The following AP3B1 variants were observed in gnomAD, a reference collection of about 807,000 sequenced individuals.
AP3B1 encodes AP-3 complex subunit beta-1.
Under a neutral mutation model 132.5 loss-of-function variants are expected in AP3B1, and 61 were observed. That is an observed-to-expected ratio of 0.46 (90% CI 0.37 to 0.57). The LOEUF is 0.57. AP3B1 is among the 20% of genes least tolerant of loss of function. AP3B1 has a pLI of 0.00. For synonymous variants in AP3B1, 388 were observed against 438.3 expected, an observed-to-expected ratio of 0.89 and a Z score of 1.43; for missense variants, 1,120 against 1,289.4, an observed-to-expected ratio of 0.87 and a Z score of 2.01.
At chr5:78,227,325 C>T (rs764293102) in intron 5 of AP3B1, 47 bp downstream of exon 5, 1 of 1,580,426 alleles carries the variant, frequency 6.3e-7, no homozygotes, top group Non-Finnish European at 8.7e-7. Flanking sequence ...CTATAACATT[C>T]CATGTAACAT....
chr5:78,039,076 T>C lies in AP3B1; in HGVS notation c.2776A>G (p.Ile926Val), dbSNP rs558325834. The C allele has an allele frequency of 1.6e-5, 26 of 1,607,642 alleles. No individual in the cohort carries two copies. Among genetic ancestry groups the C allele is most frequent in the South Asian group, 1.5e-4 (14 of 90,618 alleles). The change falls in exon 23 of 27, where the codon ATA becomes GTA. Residue 926 changes from isoleucine to valine, a missense_variant. Physicochemically the swap from Ile to Val is conservative, Grantham distance 29. Transcript: ENST00000255194. The part of the protein sequence containing the change: ...NIHIGEKKLP[I>V]GMKMHVFNPI... Reference sequence around the variant, plus strand: ...TTAAAAACATGCATTTTCATGCCTATAGGAAGTTTTTTTTCCCCTATGTGG... The same window carrying C: ...TTAAAAACATGCATTTTCATGCCTACAGGAAGTTTTTTTTCCCCTATGTGG...
intron 22 of AP3B1, among the ~76,000 whole-genome samples, chr5:78,063,553 G>C (rs1250763052): frequency 6.6e-6 from 1 of 152,160 alleles, no homozygotes; most frequent in African/African-American, 2.4e-5. Flanking sequence ...AAGCCTAAGT[G>C]CCTACATCTT....
rs1217158874 is a variant in AP3B1 at position 78,089,445 on chromosome 5, A to G, written c.2525T>C (p.Leu842Ser). Reference protein sequence around the residue: ...ALPTPALSPSLMADLEGLHLS... With the variant: ...ALPTPALSPSSMADLEGLHLS... ...GTGTAAACCTTCAAGATCAGCCATCAAACTTGGAGAAAGAGCTGGTGTGGG... is the reference window on the plus strand; with the variant it reads ...GTGTAAACCTTCAAGATCAGCCATCGAACTTGGAGAAAGAGCTGGTGTGGG... The change falls in exon 22 of 27, where the codon TTG becomes TCG. Residue 842 changes from leucine to serine, a missense_variant. Leu to Ser is a moderately radical substitution (Grantham distance 145, BLOSUM62 -2). Transcript: ENST00000255194. The G allele has an allele frequency of 1.9e-6, 3 of 1,613,440 alleles. No homozygotes were observed. In the Admixed American group the frequency reaches 5.0e-5, roughly 27 times the overall value.
At chr5:78,027,616 G>C (rs964391000) in intron 24 of AP3B1, among the ~76,000 whole-genome samples, 6 of 151,990 alleles carry the variant, frequency 3.9e-5, no homozygotes, top group African/African-American at 9.7e-5. Context: ...TGAATTTGAA[G>C]ATTAATTTGA....
chr5:78,131,995 G>A (rs1218861216), intron 15 of AP3B1, among the ~76,000 whole-genome samples: 3 of 152,092 alleles, frequency 2.0e-5, no homozygotes, highest in East Asian at 1.9e-4. Flanking sequence ...TTACAAAGCA[G>A]TTCTTCACAA....
At chr5:78,077,006 T>G (rs1449492448) in intron 22 of AP3B1, among the ~76,000 whole-genome samples, 1 of 152,184 alleles carries the variant, frequency 6.6e-6, no homozygotes, top group African/African-American at 2.4e-5. Context: ...AGAGTGGTTT[T>G]GGGAAATCCG....
Position 78,036,645 on chromosome 5 carries a change from T to C in AP3B1, c.2810-2200A>G, listed in dbSNP as rs192523569. Among the ~76,000 whole-genome samples, 38 of 152,232 alleles carry C rather than the reference T, an allele frequency of 2.5e-4. No homozygotes were observed. In the East Asian group the frequency reaches 4.2e-3, roughly 17 times the overall value. On this transcript the variant is annotated intron_variant, in intron 23 of 26. Transcript: ENST00000255194. Reference sequence around the variant, plus strand: ...GGGGAAAATGGAATATTATTCCTAATATTCTTGTAAGGAATACAGTTTCAT... The same window carrying C: ...GGGGAAAATGGAATATTATTCCTAACATTCTTGTAAGGAATACAGTTTCAT...
intron 9 of AP3B1, among the ~76,000 whole-genome samples, chr5:78,176,288 C>T (rs1394126970): frequency 6.6e-6 from 1 of 151,436 alleles, no homozygotes; most frequent in East Asian, 1.9e-4. Context: ...TGGTATAAGG[C>T]TTCATGTGAA....
At chr5:78,003,487 CCT>C (rs1486564302) in intron 26 of AP3B1, 2 of 796,066 alleles carry the variant, frequency 2.5e-6, no homozygotes, top group Non-Finnish European at 3.0e-6. Context: ...AAATTTAACT[CCT>C]CATATCTGAA....
At chr5:78,239,775 T>A (rs1747042566) in intron 3 of AP3B1, among the ~76,000 whole-genome samples, 1 of 115,166 alleles carries the variant, frequency 8.7e-6, no homozygotes, top group African/African-American at 3.7e-5. Flanking sequence ...TGAGACTCTG[T>A]CTCAAAAAAA....
chr5:78,250,824 G>T (rs1031063170), intron 2 of AP3B1, among the ~76,000 whole-genome samples: 2 of 151,934 alleles, frequency 1.3e-5, no homozygotes, highest in Admixed American at 1.3e-4. Context: ...TTCAGATAAA[G>T]ATATAATTAC....
chr5:78,078,639 C>T (rs1370153608), intron 22 of AP3B1, among the ~76,000 whole-genome samples: 1 of 152,210 alleles, frequency 6.6e-6, no homozygotes, highest in Non-Finnish European at 1.5e-5. Context: ...ACAAATATCG[C>T]TATCCAAGTC....
At chr5:78,213,797 AAAC>A (rs1205904405) in intron 7 of AP3B1, among the ~76,000 whole-genome samples, 1 of 152,270 alleles carries the variant, frequency 6.6e-6, no homozygotes, top group Non-Finnish European at 1.5e-5. Context: ...TATAATTAAA[AAAC>A]AACAACAACA....
intron 1 of AP3B1, among the ~76,000 whole-genome samples, chr5:78,279,867 AATATAT>A (rs72032561): frequency 9.7e-6 from 1 of 102,836 alleles, no homozygotes; most frequent in African/African-American, 2.9e-5. Flanking sequence ...ATAGGACTTA[AATATAT>A]ATATATATGA....
chr5:78,133,445 CG>C (rs1752768901), intron 15 of AP3B1, among the ~76,000 whole-genome samples: 1 of 152,108 alleles, frequency 6.6e-6, no homozygotes, highest in Admixed American at 6.6e-5. Flanking sequence ...GACCTCAAAG[CG>C]GAGGTCTACA....
intron 22 of AP3B1, among the ~76,000 whole-genome samples, chr5:78,049,315 C>T (rs1013874272): frequency 6.6e-6 from 1 of 152,120 alleles, no homozygotes; most frequent in Admixed American, 6.5e-5. Flanking sequence ...ATAAGAACAC[C>T]GTTATTTCAA....
At chr5:78,045,197 A>C (rs990393735) in intron 22 of AP3B1, among the ~76,000 whole-genome samples, 1 of 152,122 alleles carries the variant, frequency 6.6e-6, no homozygotes, top group Non-Finnish European at 1.5e-5. Context: ...CCTGGCCAAC[A>C]TGGTGAAACC....
rs762065522 is a variant in AP3B1 at position 78,175,799 on chromosome 5, C to T, written c.1080G>A (p.Met360Ile). ...ACATACATACCTTTCTTTGAATTGA[C>T]ATAGTTGCTATATTTTGTAGGACAA... ...QYIVLQNIATMSIQRKGMFEP... is the reference protein window; with the variant it reads ...QYIVLQNIATISIQRKGMFEP... Residue 360 changes from methionine to isoleucine, a missense_variant, in exon 10 of 27, where the codon ATG becomes ATA. Met to Ile is a conservative substitution (Grantham distance 10, BLOSUM62 1). Around this residue, in one of 3 missense-constraint regions of AP3B1, gnomAD observed 906 missense variants for 997.1 expected, o/e 0.91. Transcript: ENST00000255194. 5 of 1,612,392 alleles carry T rather than the reference C, an allele frequency of 3.1e-6. No individual in the cohort carries two copies. Among genetic ancestry groups the T allele is most frequent in the Non-Finnish European group, 4.2e-6 (5 of 1,179,176 alleles).
At chr5:78,135,849 T>G (rs1752888309) in intron 15 of AP3B1, among the ~76,000 whole-genome samples, 1 of 152,210 alleles carries the variant, frequency 6.6e-6, no homozygotes, top group Non-Finnish European at 1.5e-5. Flanking sequence ...AACGAACTCA[T>G]GCTAAATCTT....
Sources: allele counts gnomAD v4.1 joint callset (sites outside exome capture counted in the v4.1 genomes callset), GRCh38; gene constraint gnomAD v4.1.1; regional missense constraint gnomAD v4.1.1; transcripts MANE v1.5; gene names NCBI Gene and HGNC (gene_info 2026-07-23, HGNC 2026-07-21).